Variants in CECR2 observed in about 807,000 individuals in gnomAD.
CECR2 encodes chromatin remodeling regulator CECR2.
A neutral mutation model predicts 154.5 loss-of-function variants in CECR2; 30 were observed. That is an observed-to-expected ratio of 0.19 (90% confidence interval 0.15 to 0.26). The LOEUF is 0.26. Among genes scored for constraint, CECR2 ranks in the 10% least tolerant of loss-of-function variants. The pLI, the probability that CECR2 is intolerant of heterozygous loss-of-function variation, is 1.00. For missense variants in CECR2, 1,743 were observed against 1,829.3 expected, an observed-to-expected ratio of 0.95 and a Z score of 0.86; for synonymous variants, 725 against 683.7, an observed-to-expected ratio of 1.06 and a Z score of -0.94.
At chr22:17,440,784 C>G (rs898733946) in intron 1 of CECR2, among the ~76,000 whole-genome samples, 2 of 152,186 alleles carry the variant, frequency 1.3e-5, no homozygotes, top group Non-Finnish European at 2.9e-5. Context: ...ACTCCTTTCT[C>G]AACATGATGA....
chr22:17,415,228 T>C (rs942657246), intron 1 of CECR2, among the ~76,000 whole-genome samples: 3 of 152,078 alleles, frequency 2.0e-5, no homozygotes, highest in Non-Finnish European at 2.9e-5. Context: ...TCTCTTCTTC[T>C]CCTTCTTTGT....
chr22:17,419,510 GGAAGAAGAA>G (rs374747773), intron 1 of CECR2: 44 of 165,166 alleles, frequency 2.7e-4, no homozygotes, highest in African/African-American at 1.6e-3. Context: ...AGGAAGAGGA[GGAAGAAGAA>G]GAAGAAGAAG....
chr22:17,518,946 C>A, intron 8 of CECR2: 1 of 230,358 alleles, frequency 4.3e-6, no homozygotes. Context: ...CAGCCCCACC[C>A]TCTTTAATTG....
At chr22:17,442,915 A>G (rs5747142) in intron 1 of CECR2, among the ~76,000 whole-genome samples, 46,986 of 152,116 alleles carry the variant, frequency 0.31, 10,757 homozygotes, top group African/African-American at 0.62. Context: ...TCATGACTGA[A>G]TGAGTCATAG....
At chr22:17,382,205 C>G (rs5992041) in intron 1 of CECR2, among the ~76,000 whole-genome samples, 1 of 151,834 alleles carries the variant, frequency 6.6e-6, no homozygotes, top group African/African-American at 2.4e-5. Flanking sequence ...GCCCCTTCCT[C>G]ATAGAGACTA....
At chr22:17,536,829 C>T (rs988138128) in intron 9 of CECR2, among the ~76,000 whole-genome samples, 1 of 152,144 alleles carries the variant, frequency 6.6e-6, no homozygotes, top group Non-Finnish European at 1.5e-5. Flanking sequence ...ACTCCCTCCC[C>T]TCCTGCCCAC....
intron 2 of CECR2, among the ~76,000 whole-genome samples, chr22:17,479,411 G>A (rs970411601): frequency 1.3e-5 from 2 of 152,166 alleles, no homozygotes; most frequent in Admixed American, 1.3e-4. Flanking sequence ...AATCATTACA[G>A]TAATGATTAT....
chr22:17,418,770 G>A (rs2054192638), intron 1 of CECR2: 2 of 302,534 alleles, frequency 6.6e-6, no homozygotes, highest in Middle Eastern at 5.8e-4. Flanking sequence ...GAGAGAGGGA[G>A]GACGGGAGAG....
Position 17,423,320 on chromosome 22 carries a change from C to G in CECR2, c.126+53411C>G, listed in dbSNP as rs562315868. Among the ~76,000 whole-genome samples, 6 of 151,946 alleles carry G rather than the reference C, an allele frequency of 3.9e-5. No homozygotes were observed. In the East Asian group the frequency reaches 1.2e-3, roughly 29 times the overall value. ...GTTCCCTTCCCCTGCGTCAGTTAGG[C>G]TCTGATAAAACCCTCTCTCTACTAA... is the stretch of plus-strand genomic sequence containing the variant. On this transcript the variant is annotated intron_variant, in intron 1 of 18. Transcript: ENST00000262608.
chr22:17,544,249 A>C (rs1226208300), intron 16 of CECR2, among the ~76,000 whole-genome samples: 1 of 152,196 alleles, frequency 6.6e-6, no homozygotes, highest in East Asian at 1.9e-4. Context: ...CTGTAATCCC[A>C]GCACTTTGGG....
At chr22:17,474,220 C>T (rs1023432068) in intron 1 of CECR2, among the ~76,000 whole-genome samples, 1 of 152,120 alleles carries the variant, frequency 6.6e-6, no homozygotes, top group Admixed American at 6.6e-5. Flanking sequence ...CTTGGACCTG[C>T]AAATTTTTGG....
chr22:17,441,604 C>G (rs2054586048), intron 1 of CECR2, among the ~76,000 whole-genome samples: 1 of 79,336 alleles, frequency 1.3e-5, no homozygotes, highest in African/African-American at 1.3e-4. Flanking sequence ...GTGGACCCCA[C>G]CCCCCGTTAC....
intron 1 of CECR2, among the ~76,000 whole-genome samples, chr22:17,385,015 G>C (rs1305325546): frequency 5.9e-5 from 9 of 152,156 alleles, no homozygotes; most frequent in African/African-American, 2.2e-4. Flanking sequence ...ACCAACCTCT[G>C]CTAGCCTCCA....
intron 1 of CECR2, among the ~76,000 whole-genome samples, chr22:17,395,828 A>G (rs781016343): frequency 6.6e-6 from 1 of 152,122 alleles, no homozygotes; most frequent in African/African-American, 2.4e-5. Context: ...GTAAAAGGGT[A>G]ATAAGTTGTT....
intron 1 of CECR2, among the ~76,000 whole-genome samples, chr22:17,414,522 TTTTATTA>T (rs1481568315): frequency 3.3e-5 from 5 of 151,988 alleles, no homozygotes; most frequent in Non-Finnish European, 5.9e-5. Flanking sequence ...CCTGATTTTT[TTTTATTA>T]TTATACTTTA....
At chr22:17,456,209 T>C (rs942745415) in intron 1 of CECR2, among the ~76,000 whole-genome samples, 2 of 152,206 alleles carry the variant, frequency 1.3e-5, no homozygotes, top group Non-Finnish European at 2.9e-5. Context: ...TAAAATGTTA[T>C]GTATAGTTGA....
chr22:17,419,462 G>T, intron 1 of CECR2: 1 of 201,932 alleles, frequency 5.0e-6, no homozygotes. Context: ...GATCCCCCAC[G>T]CCTGAGGAAG....
At chr22:17,376,658 A>AGATG (rs2063122483) in intron 1 of CECR2, among the ~76,000 whole-genome samples, 1 of 136,586 alleles carries the variant, frequency 7.3e-6, no homozygotes, top group African/African-American at 3.0e-5. Context: ...TTTTTTTTTG[A>AGATG]GATGGAGTCT....
At chr22:17,480,628 A>C (rs943070921) in intron 2 of CECR2, among the ~76,000 whole-genome samples, 1 of 152,200 alleles carries the variant, frequency 6.6e-6, no homozygotes. Flanking sequence ...CTGTGAATGT[A>C]CACTCGTTCT....
Sources: gnomAD v4.1 joint callset for allele counts (sites outside exome capture counted in the v4.1 genomes callset) on GRCh38, gnomAD v4.1.1 for gene constraint, MANE v1.5 for transcripts, NCBI Gene and HGNC (gene_info 2026-07-23, HGNC 2026-07-21) for gene names.